SLC25A46: variants seen among roughly 807,000 people sequenced by gnomAD.
SLC25A46 encodes the protein mitochondrial outer membrane protein SLC25A46.
In SLC25A46, 39 loss-of-function variants were observed where a neutral mutation model predicts 44.6. The ratio of observed to expected loss-of-function variants is 0.87; its 90% CI spans 0.68 to 1.14. The LOEUF (loss-of-function observed/expected upper bound fraction) is 1.14. Among genes scored for constraint, SLC25A46 ranks in the 50% most tolerant of loss-of-function variants. SLC25A46 has a pLI of 0.00. For missense variants in SLC25A46, 547 were observed against 522.7 expected (o/e 1.05, Z -0.45); for synonymous variants, 202 against 185.8 (o/e 1.09, Z -0.71).
At chr5:110,746,707 T>C (rs1466520483) in intron 4 of SLC25A46, among the ~76,000 whole-genome samples, 1 of 152,194 alleles carries the variant, frequency 6.6e-6, no homozygotes, top group Non-Finnish European at 1.5e-5. Flanking sequence ...AAAACTGGGC[T>C]TGGGCACAGT....
intron 3 of SLC25A46, among the ~76,000 whole-genome samples, chr5:110,744,667 G>A (rs986423831): frequency 4.6e-5 from 7 of 152,122 alleles, no homozygotes; most frequent in Admixed American, 1.3e-4. Context: ...ACTTATCATT[G>A]ACAGTAAATA....
chr5:110,755,386 T>A (rs1800083821), intron 5 of SLC25A46, 79 bp from the exon 6 acceptor site: 1 of 838,004 alleles, frequency 1.2e-6, no homozygotes, highest in African/African-American at 1.8e-5. Context: ...AGTTGATTAC[T>A]GTTTTGAAAA....
At chr5:110,743,385 G>T (rs1042688735) in intron 2 of SLC25A46, among the ~76,000 whole-genome samples, 6 of 151,974 alleles carry the variant, frequency 3.9e-5, no homozygotes, top group Admixed American at 3.3e-4. Context: ...GAAATAATTT[G>T]CAGCATTAAA....
At position 110,761,422 on chromosome 5, in the gene SLC25A46, A is replaced by C; in HGVS notation, c.897A>C (p.Leu299=). ...ILKRKTYNSH[L]AESTSPVQSM... is the part of the protein sequence containing the mutation. Reference sequence around the variant, plus strand: ...AGAGAAAGACTTACAATAGCCACCTAGCTGAGAGCACTAGCCCTGTGCAGA... The same window carrying C: ...AGAGAAAGACTTACAATAGCCACCTCGCTGAGAGCACTAGCCCTGTGCAGA... Residue 299 remains leucine, a synonymous_variant, in exon 8 of 8, where the codon CTA becomes CTC. Transcript: ENST00000355943. This position sits in a 1 kb window ranked among gnomAD's most constrained non-coding sequence, Gnocchi z 5.3. 1 of 1,613,732 alleles carries C rather than the reference A, an allele frequency of 6.2e-7. No individual in the cohort carries two copies. The highest frequency in any genetic ancestry group is 1.7e-4 in the Middle Eastern group (1 of 6,058).
intron 5 of SLC25A46, among the ~76,000 whole-genome samples, chr5:110,750,366 C>A (rs947169023): frequency 2.0e-5 from 3 of 151,814 alleles, no homozygotes; most frequent in African/African-American, 7.3e-5. Context: ...TCTTGAAATT[C>A]TTTAACAAAC....
Position 110,763,711 on chromosome 5 carries a change from T to C in SLC25A46, c.*1929T>C, listed in dbSNP as rs1252151856. The C allele has an allele frequency of 6.6e-6, 1 of 151,786 alleles. No homozygotes were observed. The highest frequency in any genetic ancestry group is 6.6e-5 in the Admixed American group (1 of 15,192). 9.4% of individuals were successfully genotyped at this position (151,786 alleles called of 1,614,324 possible). On this transcript the variant is annotated 3_prime_UTR_variant, in exon 8 of 8. Coordinates refer to ENST00000355943, the MANE Select transcript of SLC25A46 (RefSeq NM_138773.4). ...TATTTTTTGGAAGTTAGCATGAAAA[T>C]AGTTAGTTACATAAATTCATTTTAT... is the stretch of plus-strand genomic sequence containing the variant.
rs116011662 is a variant in SLC25A46 at position 110,739,571 on chromosome 5, T to A, written c.283+169T>A. On this transcript the variant is annotated intron_variant, in intron 1 of 7. Transcript: ENST00000355943. ...TCCTCTGCCCCTGAGGCTGGCCTCC[T>A]CTTCCTCACAAACGAATTCTCCTGG... 0.01 allele frequency among the ~76,000 whole-genome samples: 1,592 copies of A among 152,322 alleles called. 22 individuals carry two copies. The highest frequency in any genetic ancestry group is 0.036 in the African/African-American group (1,479 of 41,572).
In SLC25A46 at chr5:110,764,330, G is replaced by A. The variant is rs896561412; in HGVS notation, c.*2548G>A. ...TAAATACATATATGTAGACCTTCCCGAAATGCCATTCTCAATTTTATTTTA... is the reference window on the plus strand; with the variant it reads ...TAAATACATATATGTAGACCTTCCCAAAATGCCATTCTCAATTTTATTTTA... On this transcript the variant is annotated 3_prime_UTR_variant, in exon 8 of 8. Coordinates refer to ENST00000355943, the MANE Select transcript of SLC25A46 (RefSeq NM_138773.4). 5.9e-5 allele frequency: 9 copies of A among 151,774 alleles called. No homozygotes were observed. The highest frequency in any genetic ancestry group is 1.3e-4 in the Admixed American group (2 of 15,178). 9.4% of individuals were successfully genotyped at this position (151,774 alleles called of 1,614,324 possible).
chr5:110,758,650 T>C (rs941781167), intron 7 of SLC25A46, among the ~76,000 whole-genome samples: 1 of 151,892 alleles, frequency 6.6e-6, no homozygotes, highest in Non-Finnish European at 1.5e-5. Context: ...GGTGTGGTAG[T>C]GGGCGCCTGT....
chr5:110,755,539 G>C lies in SLC25A46; in HGVS notation c.620+18G>C. ...CTGAAATCGTAAGTATCAAAAAATGGCATTTTTATTGGGCATTTTCACTAA... is the reference window on the plus strand; with the variant it reads ...CTGAAATCGTAAGTATCAAAAAATGCCATTTTTATTGGGCATTTTCACTAA... On this transcript the variant is annotated intron_variant, in intron 6 of 7. Transcript: ENST00000355943. 1 of 1,526,754 alleles carries C rather than the reference G, an allele frequency of 6.5e-7. No homozygotes were observed. 94.6% of individuals were successfully genotyped at this position (1,526,754 alleles called of 1,614,324 possible). A position where few individuals can be genotyped will look rare whatever the true frequency, so the allele number is the denominator to read the frequency against.
chr5:110,746,165 A>G (rs1799812811), intron 3 of SLC25A46, 104 bp from the exon 4 acceptor site: 5 of 923,474 alleles, frequency 5.4e-6, no homozygotes, highest in Non-Finnish European at 8.4e-6. Context: ...TGACTTTGGA[A>G]TTAACTTTTG....
intron 5 of SLC25A46, among the ~76,000 whole-genome samples, chr5:110,750,164 G>T (rs1440512099): frequency 6.6e-6 from 1 of 150,846 alleles, no homozygotes; most frequent in Admixed American, 6.6e-5. Flanking sequence ...TCGTAGTCTT[G>T]AAGTGCCTTA....
At position 110,761,741 on chromosome 5, in the gene SLC25A46, A is replaced by T; in HGVS notation, c.1216A>T (p.Thr406Ser). ...YTLHAAVLQITKIIYSTLLQN... is the reference protein window; with the variant it reads ...YTLHAAVLQISKIIYSTLLQN... ...ACTGCATGCAGCTGTTTTACAGATT[A>T]CCAAAATTATTTACTCTACACTTCT... is the stretch of plus-strand genomic sequence containing the variant. The change falls in exon 8 of 8, where the codon ACC (threonine) becomes TCC (serine). Residue 406 changes from threonine to serine, a missense_variant. By Grantham distance (58) the Thr-to-Ser change is moderately conservative. Transcript: ENST00000355943. The surrounding 1 kb of genome is among the most constrained non-coding windows in gnomAD (Gnocchi z 5.3). 3 of 1,612,530 alleles carry T rather than the reference A, an allele frequency of 1.9e-6. No homozygotes were observed. Among genetic ancestry groups the T allele is most frequent in the Non-Finnish European group, 2.5e-6 (3 of 1,179,338 alleles).
Position 110,739,107 on chromosome 5 carries a change from T to A in SLC25A46, c.-13T>A. ...GGCTCCGGGCGGGCTCGCGTCATCC[T>A]GCCCCCGCTGCGATGCATCCGCGGC... On this transcript the variant is annotated 5_prime_UTR_variant, in exon 1 of 8. Coordinates refer to ENST00000355943, the MANE Select transcript of SLC25A46 (RefSeq NM_138773.4). 3 of 1,544,730 alleles carry A rather than the reference T, an allele frequency of 1.9e-6. No homozygotes were observed. Among genetic ancestry groups the A allele is most frequent in the Non-Finnish European group, 2.6e-6 (3 of 1,146,336 alleles).
intron 5 of SLC25A46, among the ~76,000 whole-genome samples, chr5:110,749,760 G>A (rs1241374013): frequency 6.6e-6 from 1 of 152,026 alleles, no homozygotes; most frequent in Non-Finnish European, 1.5e-5. Flanking sequence ...TAGTAGAAAA[G>A]CATGAGAGGA....
At chr5:110,752,166 T>C (rs1263294043) in intron 5 of SLC25A46, among the ~76,000 whole-genome samples, 1 of 152,142 alleles carries the variant, frequency 6.6e-6, no homozygotes, top group Non-Finnish European at 1.5e-5. Flanking sequence ...TTAGGGGTTT[T>C]TAAATACAGT....
Position 110,748,242 on chromosome 5 carries a change from G to T in SLC25A46, c.542G>T (p.Ser181Ile). The change falls in exon 5 of 8, where the codon AGT (serine) becomes ATT (isoleucine). Residue 181 changes from serine (S) to isoleucine (I), a missense_variant. Ser to Ile is a moderately radical substitution (Grantham distance 142). Transcript: ENST00000355943. ...ACACTTGGAGCAGAAGGCATAATTA[G>T]TGAATTTACACCTTTGCCAAGGTAC... The part of the protein sequence containing the change: ...GVTLGAEGII[S>I]EFTPLPREVL... 1 of 1,613,374 alleles carries T rather than the reference G, an allele frequency of 6.2e-7. No homozygotes were observed. The highest frequency in any genetic ancestry group is 8.5e-7 in the Non-Finnish European group (1 of 1,179,448).
In SLC25A46 at chr5:110,743,758, C is replaced by T. The variant is rs1332122708; in HGVS notation, c.355C>T (p.Pro119Ser). Residue 119 changes from proline to serine, a missense_variant, in exon 3 of 8, where the codon CCT becomes TCT. Transcript: ENST00000355943. ...SLFTENVLAH[P>S]CIVLRRQCQV... ...CTTTACAGAAAATGTATTGGCACAT[C>T]CTTGCATTGTTCTACGCCGCCAATG... is the stretch of plus-strand genomic sequence containing the variant. 1 of 1,605,548 alleles carries T rather than the reference C, an allele frequency of 6.2e-7. No homozygotes were observed. Among genetic ancestry groups the T allele is most frequent in the East Asian group, 2.2e-5 (1 of 44,544 alleles).
chr5:110,755,584 G>A (rs1800091556), intron 6 of SLC25A46, 63 bp downstream of exon 6: 4 of 1,018,226 alleles, frequency 3.9e-6, no homozygotes, highest in East Asian at 2.5e-5. Context: ...TATTAGAACT[G>A]GAAACAAATC....
Sources: allele counts gnomAD v4.1 joint callset (sites outside exome capture counted in the v4.1 genomes callset), GRCh38; gene constraint gnomAD v4.1.1; non-coding constraint Gnocchi (gnomAD v3.1); transcripts MANE v1.5; gene names NCBI Gene and HGNC (gene_info 2026-07-23, HGNC 2026-07-21).